Variants in MDGA2 observed in about 807,000 individuals in gnomAD.
The protein encoded by MDGA2 is MAM domain containing glycosylphosphatidylinositol anchor 2.
MDGA2 carries 40 observed loss-of-function variants against 117.8 expected under a neutral mutation model. The observed-to-expected ratio is 0.34, with a 90% CI of 0.26 to 0.44. The LOEUF (loss-of-function observed/expected upper bound fraction) is 0.44, where lower values mean the gene tolerates loss of function less well. MDGA2 is among the 20% of genes least tolerant of loss of function. The pLI is 1.00. For missense variants in MDGA2, 1,123 were observed against 1,250.6 expected (o/e 0.90, Z 1.54); for synonymous variants, 452 against 439.0 (o/e 1.03, Z -0.37).
At chr14:47,024,042 T>C (rs1039865696) in intron 8 of MDGA2, among the ~76,000 whole-genome samples, 1 of 152,178 alleles carries the variant, frequency 6.6e-6, no homozygotes, top group Admixed American at 6.5e-5. Context: ...GAATGAGTGT[T>C]CACTCAGTAA....
chr14:47,521,440 A>C (rs1182657913), intron 1 of MDGA2, among the ~76,000 whole-genome samples: 1 of 152,150 alleles, frequency 6.6e-6, no homozygotes, highest in African/African-American at 2.4e-5. Flanking sequence ...TCTCCAAAAA[A>C]CAAACAAACA....
intron 14 of MDGA2, among the ~76,000 whole-genome samples, chr14:46,867,079 A>G (rs1043759548): frequency 3.9e-5 from 6 of 152,188 alleles, no homozygotes; most frequent in African/African-American, 1.4e-4. Flanking sequence ...GCTGCTATAA[A>G]GACGCATGCA....
chr14:47,056,053 A>G (rs1380343509), intron 7 of MDGA2, among the ~76,000 whole-genome samples: 1 of 152,130 alleles, frequency 6.6e-6, no homozygotes, highest in African/African-American at 2.4e-5. Flanking sequence ...CTGTCAGGGT[A>G]TTTTATGTGA....
At chr14:47,495,409 G>GAA (rs146241054) in intron 1 of MDGA2, among the ~76,000 whole-genome samples, 9 of 147,064 alleles carry the variant, frequency 6.1e-5, no homozygotes, top group African/African-American at 2.0e-4. Flanking sequence ...CCTAAATCCA[G>GAA]AAAAAAAAAA....
intron 1 of MDGA2, among the ~76,000 whole-genome samples, chr14:47,581,912 G>A (rs1166707616): frequency 6.6e-6 from 1 of 151,844 alleles, no homozygotes; most frequent in East Asian, 1.9e-4. Flanking sequence ...GCCCAGTGCT[G>A]CATTCATTAT....
At chr14:46,847,234 G>T (rs570253455) in intron 15 of MDGA2, among the ~76,000 whole-genome samples, 1 of 152,126 alleles carries the variant, frequency 6.6e-6, no homozygotes, top group East Asian at 1.9e-4. Context: ...TAATTTTCAT[G>T]ATTTGATAGC....
intron 6 of MDGA2, among the ~76,000 whole-genome samples, chr14:47,077,717 A>G (rs1364416460): frequency 6.6e-6 from 1 of 152,124 alleles, no homozygotes; most frequent in African/African-American, 2.4e-5. Context: ...GATGAAAAAA[A>G]AAGTGCAATA....
At chr14:47,115,806 G>A (rs1881297852) in intron 5 of MDGA2, among the ~76,000 whole-genome samples, 1 of 151,946 alleles carries the variant, frequency 6.6e-6, no homozygotes, top group South Asian at 2.1e-4. Context: ...AAGCCTATAT[G>A]TAACTCCCAC....
chr14:47,535,354 G>C lies in MDGA2; in HGVS notation c.280+139163C>G, dbSNP rs139791340. ...TGTAAGTTAGGTACTAGTTTATTTA[G>C]GTTAACACCTAACTTTGGGAAATTA... On this transcript the variant is annotated intron_variant, in intron 1 of 16. Transcript: ENST00000399232. Among the ~76,000 whole-genome samples, 803 of 152,190 alleles carry C rather than the reference G, an allele frequency of 5.3e-3. 8 individuals are homozygous for C. The highest frequency in any genetic ancestry group is 0.018 in the African/African-American group (765 of 41,516).
At chr14:47,357,304 G>C (rs565109559) in intron 1 of MDGA2, among the ~76,000 whole-genome samples, 1 of 152,322 alleles carries the variant, frequency 6.6e-6, no homozygotes, top group South Asian at 2.1e-4. Flanking sequence ...TGCCCCTTGG[G>C]GGGTTTGCAT....
intron 8 of MDGA2, among the ~76,000 whole-genome samples, chr14:47,016,060 C>A (rs571742555): frequency 6.6e-6 from 1 of 151,848 alleles, no homozygotes; most frequent in Admixed American, 6.6e-5. Flanking sequence ...AGAATACAGG[C>A]AAAAATATAT....
intron 1 of MDGA2, among the ~76,000 whole-genome samples, chr14:47,569,622 A>G (rs1594922770): frequency 6.6e-6 from 1 of 152,342 alleles, no homozygotes; most frequent in Non-Finnish European, 1.5e-5. Flanking sequence ...TCAGTCAACA[A>G]TCAATTATCG....
chr14:47,449,682 G>C (rs1893199414), intron 1 of MDGA2, among the ~76,000 whole-genome samples: 1 of 151,950 alleles, frequency 6.6e-6, no homozygotes. Context: ...ATGAAAGATA[G>C]AAAAAAATGG....
chr14:47,179,217 T>A lies in MDGA2; in HGVS notation c.596-34943A>T, dbSNP rs939452158. Among the ~76,000 whole-genome samples, 98 of 152,046 alleles carry A rather than the reference T, an allele frequency of 6.4e-4. 2 individuals are homozygous for A. Among genetic ancestry groups the A allele is most frequent in the Non-Finnish European group, 1.8e-4 (12 of 67,982 alleles). On this transcript the variant is annotated intron_variant, in intron 3 of 16. Coordinates refer to ENST00000399232, the MANE Select transcript of MDGA2 (RefSeq NM_001113498.3). ...AAATAATAATTACATGTGTACAATA[T>A]TATATGGGGAGCCGAATCAACAGCA...
At chr14:47,442,354 A>G (rs900943182) in intron 1 of MDGA2, among the ~76,000 whole-genome samples, 3 of 152,084 alleles carry the variant, frequency 2.0e-5, no homozygotes, top group African/African-American at 7.2e-5. Flanking sequence ...ATGAGAGAGT[A>G]AGGCAAACAG....
At chr14:47,253,751 A>G (rs1362262498) in intron 2 of MDGA2, among the ~76,000 whole-genome samples, 1 of 151,596 alleles carries the variant, frequency 6.6e-6, no homozygotes, top group Non-Finnish European at 1.5e-5. Context: ...CCCCATGGAG[A>G]CTCTGTGTGG....
At chr14:47,317,760 T>C (rs908558883) in intron 1 of MDGA2, among the ~76,000 whole-genome samples, 2 of 152,086 alleles carry the variant, frequency 1.3e-5, no homozygotes, top group Non-Finnish European at 2.9e-5. Flanking sequence ...GGAGAACACA[T>C]ACATCACGTT....
At chr14:47,089,239 T>C (rs1891020092) in intron 6 of MDGA2, among the ~76,000 whole-genome samples, 1 of 152,182 alleles carries the variant, frequency 6.6e-6, no homozygotes, top group Non-Finnish European at 1.5e-5. Flanking sequence ...AAAATTTGGC[T>C]AAAATTTGAA....
At chr14:46,977,481 A>G (rs1886509086) in intron 8 of MDGA2, among the ~76,000 whole-genome samples, 2 of 151,942 alleles carry the variant, frequency 1.3e-5, no homozygotes, top group African/African-American at 4.8e-5. Context: ...AATCTATTTT[A>G]TTATTGTCCA....
Sources: allele counts gnomAD v4.1 joint callset (sites outside exome capture counted in the v4.1 genomes callset), GRCh38; gene constraint gnomAD v4.1.1; transcripts MANE v1.5; gene names NCBI Gene and HGNC (gene_info 2026-07-23, HGNC 2026-07-21).